The following CBR4 variants were observed in gnomAD, a reference collection of about 807,000 sequenced individuals.
CBR4 encodes 3-oxoacyl-[acyl-carrier-protein] reductase.
A neutral mutation model predicts 21.0 loss-of-function variants in CBR4; 22 were observed. The ratio of observed to expected loss-of-function variants is 1.05; its 90% confidence interval spans 0.75 to 1.50. CBR4 has a LOEUF of 1.50. Among genes scored for constraint, CBR4 ranks in the 40% most tolerant of loss-of-function variants. The pLI is 0.00. For missense variants in CBR4, 302 were observed against 286.3 expected (o/e 1.05, Z -0.40); for synonymous variants, 100 against 104.4 (o/e 0.96, Z 0.26).
rs144942254 is a variant in CBR4 at position 168,977,626 on chromosome 4, G to A, written n.169+24445C>T. Among the ~76,000 whole-genome samples the A allele has an allele frequency of 1.7e-3, 259 of 152,182 alleles. 2 individuals carry two copies. In the East Asian group the frequency reaches 0.036, roughly 21 times the overall value. ...TACACAGATGATATATTTCTTGCCC[G>A]GATTTCCCCTCTGAGTTTCTGACCC... On this transcript the variant is annotated intron_variant and non_coding_transcript_variant, in intron 2 of 3. Coordinates refer to the CBR4 transcript ENST00000509108.
chr4:168,998,597 T>C (rs1450967686), intron 4 of CBR4, among the ~76,000 whole-genome samples: 1 of 152,180 alleles, frequency 6.6e-6, no homozygotes, highest in Admixed American at 6.5e-5. Context: ...TAAAATTTAC[T>C]GTGGTGAAGA....
At position 168,903,700 on chromosome 4, in the gene CBR4, C is replaced by G; in HGVS notation, n.170-8935G>C. ...CCACACTGTTACTATTTTCAGTTCT[C>G]CAAATAGAGTAGGAATACACAAACT... On this transcript the variant is annotated intron_variant and non_coding_transcript_variant, in intron 2 of 3. Coordinates refer to the CBR4 transcript ENST00000509108. 6 of 1,415,164 alleles carry G rather than the reference C, an allele frequency of 4.2e-6. No individual in the cohort carries two copies. In the South Asian group the frequency reaches 5.8e-5, roughly 14 times the overall value. The allele number at this position is 1,415,164 out of a possible 1,614,324, so 87.7% of individuals were successfully genotyped here.
chr4:168,993,983 C>T (rs1765053695), intron 4 of CBR4, among the ~76,000 whole-genome samples: 1 of 152,042 alleles, frequency 6.6e-6, no homozygotes, highest in Non-Finnish European at 1.5e-5. Context: ...CGTGCTAAGA[C>T]CAGCTCGGTC....
chr4:168,952,681 T>C (rs538305097), intron 2 of CBR4, among the ~76,000 whole-genome samples: 120 of 152,284 alleles, frequency 7.9e-4, no homozygotes, highest in Middle Eastern at 3.4e-3. Flanking sequence ...GTGATTGTTA[T>C]CTCTTTTCTG....
At chr4:168,899,556 T>A (rs1416506816) in intron 2 of CBR4, among the ~76,000 whole-genome samples, 1 of 152,036 alleles carries the variant, frequency 6.6e-6, no homozygotes, top group Non-Finnish European at 1.5e-5. Flanking sequence ...GAAATAACCA[T>A]GAGGAGAGTT....
intron 2 of CBR4, among the ~76,000 whole-genome samples, chr4:168,934,264 C>A (rs1763041211): frequency 2.0e-3 from 3 of 1,536 alleles, no homozygotes; most frequent in East Asian, 0.036. Flanking sequence ...TTAAAAGAAA[C>A]TAGAAAAGCA....
intron 2 of CBR4, among the ~76,000 whole-genome samples, chr4:168,938,990 C>CA (rs1338659637): frequency 6.6e-6 from 1 of 151,814 alleles, no homozygotes; most frequent in African/African-American, 2.4e-5. Context: ...AGAGACAAAA[C>CA]AAAAAAAAGA....
At chr4:168,995,456 G>A (rs1765148778) in intron 4 of CBR4, among the ~76,000 whole-genome samples, 1 of 152,110 alleles carries the variant, frequency 6.6e-6, no homozygotes, top group South Asian at 2.1e-4. Flanking sequence ...CAGGCAAGGA[G>A]ACCTAAGCAG....
Position 168,952,270 on chromosome 4 carries a change from AT to A in CBR4, n.169+49800del, listed in dbSNP as rs917306355. On this transcript the variant is annotated intron_variant and non_coding_transcript_variant, in intron 2 of 3. Transcript: ENST00000509108. Reference sequence around the variant, plus strand: ...GTGACCAATATTTCCTGAAGTTTTGATTTTTTTTTTATGGTTATCTATTTCC... The same window carrying A: ...GTGACCAATATTTCCTGAAGTTTTGATTTTTTTTTATGGTTATCTATTTCC... Among the ~76,000 whole-genome samples, 389 of 148,806 alleles carry A rather than the reference AT, an allele frequency of 2.6e-3. 1 individual carries two copies. Among genetic ancestry groups the A allele is most frequent in the African/African-American group, 9.0e-3 (365 of 40,592 alleles).
rs1192009925 is a variant in CBR4 at position 168,957,657 on chromosome 4, C to T, written n.169+44414G>A. ...CTCCCAGGCCCAGACAACTGTTGTT[C>T]TGCTTTCTGCTATGGTAGATTAGTT... is the stretch of plus-strand genomic sequence containing the variant. On this transcript the variant is annotated intron_variant and non_coding_transcript_variant, in intron 2 of 3. Coordinates refer to the CBR4 transcript ENST00000509108. Among the ~76,000 whole-genome samples, 10 of 152,166 alleles carry T rather than the reference C, an allele frequency of 6.6e-5. No homozygotes were observed. The East Asian group carries it at 1.9e-3, about 29-fold the overall frequency.
At position 168,898,373 on chromosome 4, in the gene CBR4, G is replaced by GTTT. The variant is rs1284978035; in HGVS notation, n.170-3611_170-3609dup. 1.1e-5 allele frequency: 8 copies of GTTT among 731,128 alleles called. 1 individual carries two copies. In the Admixed American group the frequency reaches 1.4e-4, roughly 13 times the overall value. The allele number at this position is 731,128 out of a possible 1,614,324, so 45.3% of individuals were successfully genotyped here. A position where few individuals can be genotyped will look rare whatever the true frequency, so the allele number is the denominator to read the frequency against. On this transcript the variant is annotated intron_variant and non_coding_transcript_variant, in intron 2 of 3. Coordinates refer to the CBR4 transcript ENST00000509108. ...TGCAATTGAATTGGGCTCAGACTGTGTTTTTAAGCTGTATGGTAAAAATAT... is the reference window on the plus strand; with the variant it reads ...TGCAATTGAATTGGGCTCAGACTGTGTTTTTTTTAAGCTGTATGGTAAAAATAT...
At chr4:168,924,851 T>G in intron 2 of CBR4, 1 of 1,276,072 alleles carries the variant, frequency 7.8e-7, no homozygotes, top group Non-Finnish European at 1.1e-6. Context: ...ACTTGCACAA[T>G]TCTGTTTCTA....
chr4:168,934,326 C>A (rs1431795850), intron 2 of CBR4, among the ~76,000 whole-genome samples: 6 of 89,962 alleles, frequency 6.7e-5, no homozygotes, highest in African/African-American at 2.1e-4. Flanking sequence ...CCAAAATTAG[C>A]AGAAGGAAAG....
chr4:168,978,053 AATACTTCTTAGG>A (rs1193473010), intron 2 of CBR4, among the ~76,000 whole-genome samples: 1 of 152,146 alleles, frequency 6.6e-6, no homozygotes, highest in African/African-American at 2.4e-5. Context: ...GAAATCTTTC[AATACTTCTTAGG>A]ATAAAGTTCA....
At chr4:168,965,078 C>T (rs1173461716) in intron 2 of CBR4, among the ~76,000 whole-genome samples, 1 of 152,124 alleles carries the variant, frequency 6.6e-6, no homozygotes, top group African/African-American at 2.4e-5. Flanking sequence ...GATACAAAAT[C>T]AATGTGCAAA....
At chr4:168,944,102 T>C (rs1379110219) in intron 2 of CBR4, among the ~76,000 whole-genome samples, 2 of 152,144 alleles carry the variant, frequency 1.3e-5, no homozygotes, top group African/African-American at 4.8e-5. Context: ...ATCTTAATTA[T>C]TTTAGCAAAC....
In CBR4 at chr4:168,989,604, T is replaced by C. The variant is rs1764814384; in HGVS notation, c.*546A>G. 1 of 985,382 alleles carries C rather than the reference T, an allele frequency of 1.0e-6. No individual in the cohort carries two copies. Among genetic ancestry groups the C allele is most frequent in the African/African-American group, 1.7e-5 (1 of 57,368 alleles). 61.0% of individuals were successfully genotyped at this position (985,382 alleles called of 1,614,324 possible). ...ACTAATCAGTGTCCTCTAAATACTC[T>C]TATTTTGGCAACAGCCCACAAGGTT... On this transcript the variant is annotated 3_prime_UTR_variant, in exon 5 of 5. Transcript: ENST00000306193.
intron 1 of CBR4, 31 bp downstream of exon 1, chr4:169,009,917 T>C (rs2126886955): frequency 1.3e-6 from 2 of 1,594,518 alleles, no homozygotes; most frequent in Non-Finnish European, 8.5e-7. Flanking sequence ...ACCGCGGCCA[T>C]ACAACTGGAC....
chr4:168,947,845 C>A (rs370952822), intron 2 of CBR4, among the ~76,000 whole-genome samples: 1 of 152,136 alleles, frequency 6.6e-6, no homozygotes, highest in African/African-American at 2.4e-5. Context: ...AATGTGTGTG[C>A]AAGTATCTTT....
Sources: allele counts gnomAD v4.1 joint callset (sites outside exome capture counted in the v4.1 genomes callset), GRCh38; gene constraint gnomAD v4.1.1; transcripts MANE v1.5; gene names NCBI Gene and HGNC (gene_info 2026-07-23, HGNC 2026-07-21).